The following TMEM232 variants were observed in gnomAD, a reference collection of about 807,000 sequenced individuals.
TMEM232 encodes transmembrane protein 232.
In TMEM232, 80 loss-of-function variants were observed where a neutral mutation model predicts 78.8. The observed-to-expected ratio is 1.01, with a 90% CI of 0.85 to 1.22. TMEM232 has a LOEUF of 1.22. Among genes scored for constraint, TMEM232 ranks in the 50% most tolerant of loss-of-function variants. TMEM232 has a pLI of 0.00. For missense variants in TMEM232, 881 were observed against 742.2 expected, an observed-to-expected ratio of 1.19 and a Z score of -2.17; for synonymous variants, 297 against 254.3, an observed-to-expected ratio of 1.17 and a Z score of -1.60.
At chr5:110,693,901 C>T (rs1416463245) in intron 1 of TMEM232, among the ~76,000 whole-genome samples, 1 of 152,170 alleles carries the variant, frequency 6.6e-6, no homozygotes, top group Admixed American at 6.5e-5. Flanking sequence ...TCCAGGAGAA[C>T]TTTCCCAGTC....
At chr5:110,473,817 G>A (rs915238900) in intron 12 of TMEM232, among the ~76,000 whole-genome samples, 2 of 125,472 alleles carry the variant, frequency 1.6e-5, no homozygotes, top group Non-Finnish European at 3.2e-5. Flanking sequence ...CAAAAAAAAA[G>A]AGGAAATTCT....
chr5:110,443,091 C>T (rs2112771479), intron 12 of TMEM232, among the ~76,000 whole-genome samples: 1 of 152,232 alleles, frequency 6.6e-6, no homozygotes, highest in African/African-American at 2.4e-5. Flanking sequence ...CTGGCTACCA[C>T]CTATGTTCAT....
At chr5:110,531,661 A>C (rs1451338529) in intron 11 of TMEM232, among the ~76,000 whole-genome samples, 1 of 152,056 alleles carries the variant, frequency 6.6e-6, no homozygotes, top group Non-Finnish European at 1.5e-5. Context: ...CCTGCCCAGC[A>C]ATTTACTCTT....
intron 2 of TMEM232, among the ~76,000 whole-genome samples, chr5:110,663,745 A>C: frequency 7.5e-6 from 1 of 134,176 alleles, no homozygotes; most frequent in East Asian, 2.2e-4. Flanking sequence ...GTGTGTGTGT[A>C]TGTGTGTGTG....
chr5:110,566,934 TA>T (rs1776411004), intron 11 of TMEM232, among the ~76,000 whole-genome samples: 1 of 151,924 alleles, frequency 6.6e-6, no homozygotes, highest in Non-Finnish European at 1.5e-5. Context: ...TCCACATGGC[TA>T]GAGAGGCCAC....
intron 3 of TMEM232, among the ~76,000 whole-genome samples, chr5:110,641,969 T>C (rs939850989): frequency 1.3e-5 from 2 of 152,144 alleles, no homozygotes; most frequent in Non-Finnish European, 2.9e-5. Context: ...ACAGCATATC[T>C]CAATTAACTT....
At chr5:110,494,295 A>G (rs1287139337) in intron 12 of TMEM232, among the ~76,000 whole-genome samples, 1 of 152,158 alleles carries the variant, frequency 6.6e-6, no homozygotes, top group African/African-American at 2.4e-5. Flanking sequence ...TAAATAAGCC[A>G]AAAATATGTG....
chr5:110,654,127 A>C (rs898580510), intron 2 of TMEM232, among the ~76,000 whole-genome samples: 2 of 152,182 alleles, frequency 1.3e-5, no homozygotes, highest in Non-Finnish European at 2.9e-5. Context: ...AGTGTTCGTT[A>C]TTAACAGTCC....
At chr5:110,613,947 C>T (rs1782616456) in intron 8 of TMEM232, among the ~76,000 whole-genome samples, 1 of 151,726 alleles carries the variant, frequency 6.6e-6, no homozygotes, top group South Asian at 2.1e-4. Context: ...AAATTGCTAA[C>T]CTAAAAACAC....
intron 11 of TMEM232, among the ~76,000 whole-genome samples, chr5:110,549,605 CAAAAA>C (rs1209595068): frequency 2.2e-5 from 1 of 45,448 alleles, no homozygotes; most frequent in Non-Finnish European, 4.6e-5. Flanking sequence ...GTCCCTGTCT[CAAAAA>C]AAAAAAAAAA....
chr5:110,693,508 G>C (rs1408209207), intron 1 of TMEM232, among the ~76,000 whole-genome samples: 1 of 152,206 alleles, frequency 6.6e-6, no homozygotes, highest in Non-Finnish European at 1.5e-5. Flanking sequence ...ACTACTCTGA[G>C]CTAAAGGAGG....
At chr5:110,722,437 G>A (rs1426228282) in intron 1 of TMEM232, among the ~76,000 whole-genome samples, 1 of 152,100 alleles carries the variant, frequency 6.6e-6, no homozygotes, top group Non-Finnish European at 1.5e-5. Flanking sequence ...CTAAAGAGTT[G>A]ACTAGGATTG....
At chr5:110,711,966 C>G (rs1028442717) in intron 1 of TMEM232, among the ~76,000 whole-genome samples, 28 of 151,496 alleles carry the variant, frequency 1.8e-4, no homozygotes, top group African/African-American at 5.8e-4. Context: ...ATTAGCCAGG[C>G]GTGGTGGCAC....
intron 12 of TMEM232, among the ~76,000 whole-genome samples, chr5:110,505,006 G>C (rs1766706087): frequency 6.6e-6 from 1 of 152,178 alleles, no homozygotes; most frequent in African/African-American, 2.4e-5. Flanking sequence ...TCTTATTCAT[G>C]TATACCTTCT....
At chr5:110,569,573 T>C (rs914475981) in intron 10 of TMEM232, among the ~76,000 whole-genome samples, 7 of 152,022 alleles carry the variant, frequency 4.6e-5, no homozygotes, top group Admixed American at 1.3e-4. Context: ...AAATTCCATA[T>C]TGCACTTTTC....
intron 1 of TMEM232, among the ~76,000 whole-genome samples, chr5:110,713,885 T>A (rs1344254818): frequency 6.6e-6 from 1 of 152,166 alleles, no homozygotes; most frequent in Non-Finnish European, 1.5e-5. Flanking sequence ...ACAGTCTTGA[T>A]GGGAAAACTT....
At chr5:110,738,743 T>G, upstream of TMEM232, 1 of 266,290 alleles carries the variant, frequency 3.8e-6, no homozygotes, top group Non-Finnish European at 7.1e-6. Flanking sequence ...CACCCGCGGG[T>G]TATCGGCTCC....
At chr5:110,606,746 T>C (rs1329259552) in intron 8 of TMEM232, among the ~76,000 whole-genome samples, 3 of 152,020 alleles carry the variant, frequency 2.0e-5, no homozygotes, top group Non-Finnish European at 4.4e-5. Context: ...CTCTTTGATT[T>C]TGGAAAAAGT....
At chr5:110,688,713 G>C (rs1793728358) in intron 1 of TMEM232, among the ~76,000 whole-genome samples, 2 of 152,096 alleles carry the variant, frequency 1.3e-5, no homozygotes, top group African/African-American at 4.8e-5. Flanking sequence ...TTAAATTTTG[G>C]GACCCCAAAC....
Sources: allele counts gnomAD v4.1 joint callset (sites outside exome capture counted in the v4.1 genomes callset), GRCh38; gene constraint gnomAD v4.1.1; transcripts MANE v1.5; gene names NCBI Gene and HGNC (gene_info 2026-07-23, HGNC 2026-07-21).